Variants in CATSPERD observed in about 807,000 individuals in gnomAD.
CATSPERD encodes cation channel sperm-associated auxiliary subunit delta.
CATSPERD carries 86 observed loss-of-function variants against 98.1 expected under a neutral mutation model. That is an observed-to-expected ratio of 0.88 (90% CI 0.74 to 1.05). CATSPERD has a LOEUF of 1.05. Ranked by LOEUF, CATSPERD falls within the 50% of genes least tolerant of loss-of-function variation. The pLI is 0.00. For synonymous variants in CATSPERD, 394 were observed against 390.2 expected, an observed-to-expected ratio of 1.01 and a Z score of -0.12; for missense variants, 995 against 1,005.7, an observed-to-expected ratio of 0.99 and a Z score of 0.14.
chr19:5,741,855 C>T (rs983203987), intron 7 of CATSPERD, among the ~76,000 whole-genome samples: 1 of 131,196 alleles, frequency 7.6e-6, no homozygotes, highest in African/African-American at 2.8e-5. Context: ...CTTGGTGAAA[C>T]CCCGTCTCTA....
intron 14 of CATSPERD, 83 bp from the exon 15 acceptor site, chr19:5,759,003 C>A: frequency 8.0e-7 from 1 of 1,255,460 alleles, no homozygotes. Flanking sequence ...CCCTCCAACA[C>A]CCCATCTCTC....
At chr19:5,739,218 C>T in intron 6 of CATSPERD, 108 bp from the exon 7 acceptor site, 1 of 689,274 alleles carries the variant, frequency 1.5e-6, no homozygotes, top group East Asian at 2.7e-5. Context: ...CACGTCCAGA[C>T]ATCCAGGTTT....
intron 6 of CATSPERD, 24 bp downstream of exon 6, chr19:5,737,229 C>A: frequency 6.6e-7 from 1 of 1,525,174 alleles, no homozygotes. Flanking sequence ...TATAATTGTT[C>A]ATTTTTTTTT....
intron 20 of CATSPERD, 105 bp from the exon 21 acceptor site, chr19:5,776,056 C>A: frequency 8.0e-7 from 1 of 1,246,114 alleles, no homozygotes; most frequent in Non-Finnish European, 1.1e-6. Flanking sequence ...CCCATGCGTG[C>A]CTAATGAGGA....
intron 15 of CATSPERD, among the ~76,000 whole-genome samples, chr19:5,760,643 T>C (rs1465657591): frequency 6.6e-6 from 1 of 151,872 alleles, no homozygotes; most frequent in Non-Finnish European, 1.5e-5. Context: ...TTGGGGAAGA[T>C]GAGAAACTTC....
At position 5,739,334 on chromosome 19, in the gene CATSPERD, T is replaced by A; in HGVS notation, c.468T>A (p.Ser156Arg). The change falls in exon 7 of 22, where the codon AGT becomes AGA. Residue 156 changes from serine (S) to arginine (R), a missense_variant. By Grantham distance (110) the Ser-to-Arg change is moderately radical. This residue lies in a region of CATSPERD where 228 missense variants were observed against 209.6 expected (regional missense o/e 1.09). Transcript: ENST00000381624. ...YTGSLFCVHV[S>R]NLVFAYFRGD... is the part of the protein sequence containing the mutation. ...CTTTTTTTTTTTTATAGCATGTCAG[T>A]AATTTGGTTTTTGCATATTTCCGTG... The A allele has an allele frequency of 6.6e-7, 1 of 1,509,338 alleles. No homozygotes were observed. Among genetic ancestry groups the A allele is most frequent in the South Asian group, 1.2e-5 (1 of 85,334 alleles). 93.5% of individuals were successfully genotyped at this position (1,509,338 alleles called of 1,614,324 possible).
At chr19:5,757,991 C>T (rs1263793589) in intron 14 of CATSPERD, 59 bp downstream of exon 14, 7 of 1,404,026 alleles carry the variant, frequency 5.0e-6, no homozygotes, top group Non-Finnish European at 6.9e-6. Context: ...CCTCTTCCTC[C>T]TTCCCTTATC....
chr19:5,778,704 G>A lies in CATSPERD; in HGVS notation c.*28G>A. ...CCGGTCCACAGGGTCCCAACCCCTT[G>A]TCTTCAAATAAAGTATAATGTAACA... On this transcript the variant is annotated 3_prime_UTR_variant, in exon 22 of 22. Transcript: ENST00000381624. 6.3e-7 allele frequency: 1 copy of A among 1,580,276 alleles called. No homozygotes were observed. The highest frequency in any genetic ancestry group is 8.6e-7 in the Non-Finnish European group (1 of 1,163,324).
chr19:5,745,814 C>A, intron 8 of CATSPERD, 99 bp from the exon 9 acceptor site: 1 of 1,232,512 alleles, frequency 8.1e-7, no homozygotes, highest in Non-Finnish European at 1.1e-6. Context: ...CTTTGCTTTC[C>A]CCTGCACCTG....
chr19:5,733,711 C>T (rs1348854340), intron 4 of CATSPERD, 145 bp from the exon 5 acceptor site: 4 of 603,586 alleles, frequency 6.6e-6, no homozygotes, highest in Non-Finnish European at 1.2e-5. Flanking sequence ...CCGCCTTGGC[C>T]TCCCAAAGTG....
At chr19:5,769,181 G>A (rs1044092077) in intron 18 of CATSPERD, among the ~76,000 whole-genome samples, 2 of 150,876 alleles carry the variant, frequency 1.3e-5, no homozygotes, top group African/African-American at 4.9e-5. Context: ...AGAGAGAGGA[G>A]GGAGGAGGCT....
chr19:5,760,283 C>T (rs372387081), intron 15 of CATSPERD, among the ~76,000 whole-genome samples: 7 of 151,364 alleles, frequency 4.6e-5, no homozygotes, highest in Middle Eastern at 3.4e-3. Context: ...CCTGTAGTCT[C>T]AGCTACTCGG....
chr19:5,728,036 T>C (rs1375515615), intron 3 of CATSPERD, among the ~76,000 whole-genome samples: 1 of 19,838 alleles, frequency 5.0e-5, no homozygotes. Flanking sequence ...TCCCAGTATC[T>C]ACAAAAAAAA....
intron 4 of CATSPERD, among the ~76,000 whole-genome samples, chr19:5,733,499 G>A (rs989855615): frequency 2.8e-5 from 4 of 142,244 alleles, no homozygotes; most frequent in Non-Finnish European, 6.1e-5. Context: ...TTTTGCTCTT[G>A]TCACCAGGCT....
In CATSPERD at chr19:5,763,093, G is replaced by A. The variant is rs945310207; in HGVS notation, c.1428-122G>A. 18 of 703,418 alleles carry A rather than the reference G, an allele frequency of 2.6e-5. No homozygotes were observed. In the East Asian group the frequency reaches 3.8e-4, roughly 15 times the overall value. 43.6% of individuals were successfully genotyped at this position (703,418 alleles called of 1,614,324 possible). A position where few individuals can be genotyped will look rare whatever the true frequency, so the allele number is the denominator to read the frequency against. On this transcript the variant is annotated intron_variant, in intron 15 of 21. Coordinates refer to ENST00000381624, the MANE Select transcript of CATSPERD (RefSeq NM_152784.4). ...GGGTGGGTGGAATGAATGGATGGAA[G>A]GATGGATGAGATGGATGGATGGATG...
rs754082570 is a variant in CATSPERD at position 5,759,116 on chromosome 19, G to T, written c.1399G>T (p.Gly467Cys). 5 of 1,613,830 alleles carry T rather than the reference G, an allele frequency of 3.1e-6. No homozygotes were observed. The South Asian group carries it at 4.4e-5, about 14-fold the overall frequency. ...DIFLKQQQHW[G>C]RTDSNFTSSL... ...TTTCCTAAAACAGCAGCAGCACTGG[G>T]GCAGGACCGACTCCAACTTCACTTC... The change falls in exon 15 of 22, where the codon GGC (glycine) becomes TGC (cysteine). Residue 467 changes from glycine (G) to cysteine (C), a missense_variant. This residue lies in a region of CATSPERD where 762 missense variants were observed against 773.7 expected (regional missense o/e 0.98). Coordinates refer to ENST00000381624, the MANE Select transcript of CATSPERD (RefSeq NM_152784.4).
At position 5,729,913 on chromosome 19, in the gene CATSPERD, T is replaced by G. The variant is rs780729806; in HGVS notation, c.245T>G (p.Leu82Arg). 1 of 1,599,220 alleles carries G rather than the reference T, an allele frequency of 6.3e-7. No individual in the cohort carries two copies. The highest frequency in any genetic ancestry group is 8.6e-7 in the Non-Finnish European group (1 of 1,169,234). The stretch of plus-strand genomic sequence containing the variant: ...ACAATGGATAACTTTGAGACTAGTC[T>G]CCTTCCATTTACCATCCCTACATCA... ...FFTMDNFETSLLPFTIPTSMQ... is the reference protein window; with the variant it reads ...FFTMDNFETSRLPFTIPTSMQ... The change falls in exon 4 of 22, where the codon CTC (leucine) becomes CGC (arginine). Residue 82 changes from leucine (L) to arginine (R), a missense_variant. Physicochemically the swap from Leu to Arg is moderately radical, Grantham distance 102. Transcript: ENST00000381624.
chr19:5,776,974 G>T (rs1160713897), intron 21 of CATSPERD, among the ~76,000 whole-genome samples: 2 of 152,080 alleles, frequency 1.3e-5, no homozygotes, highest in African/African-American at 4.8e-5. Context: ...TACGGGAATT[G>T]GCAGACACTA....
In CATSPERD at chr19:5,744,526, G is replaced by T; in HGVS notation, c.657+16G>T. ...TCAAGGGAAGGTAAGTAACTGCAGA[G>T]GGAAGAACTACTCAGAGGACCTTTG... is the stretch of plus-strand genomic sequence containing the variant. On this transcript the variant is annotated intron_variant, in intron 8 of 21. Transcript: ENST00000381624. 6.3e-7 allele frequency: 1 copy of T among 1,595,702 alleles called. No homozygotes were observed. The highest frequency in any genetic ancestry group is 1.1e-5 in the South Asian group (1 of 90,334).
Sources: allele counts gnomAD v4.1 joint callset (sites outside exome capture counted in the v4.1 genomes callset), GRCh38; gene constraint gnomAD v4.1.1; regional missense constraint gnomAD v4.1.1; transcripts MANE v1.5; gene names NCBI Gene and HGNC (gene_info 2026-07-23, HGNC 2026-07-21).